Variants in PAFAH2 observed in about 807,000 individuals in gnomAD.
The protein encoded by PAFAH2 is platelet activating factor acetylhydrolase 2, also known as platelet-activating factor acetylhydrolase 2, cytoplasmic.
In PAFAH2, 42 loss-of-function variants were observed where a neutral mutation model predicts 49.0. The observed-to-expected ratio is 0.86, with a 90% CI of 0.67 to 1.11. The LOEUF is 1.11. Ranked by LOEUF, PAFAH2 falls within the 50% of genes least tolerant of loss-of-function variation. PAFAH2 has a pLI of 0.00. For synonymous variants in PAFAH2, 184 were observed against 181.3 expected (o/e 1.01, Z -0.12); for missense variants, 503 against 501.8 (o/e 1.00, Z -0.02).
At position 25,960,563 on chromosome 1, in the gene PAFAH2, A is replaced by G. The variant is rs1445608173; in HGVS notation, c.*1426T>C. The stretch of plus-strand genomic sequence containing the variant: ...AACAGAAAATTCCAACATAACATTA[A>G]GCAAACAAGAGTATTAATATCATTC... On this transcript the variant is annotated 3_prime_UTR_variant, in exon 11 of 11. Coordinates refer to ENST00000374282, the MANE Select transcript of PAFAH2 (RefSeq NM_000437.4). 1.3e-5 allele frequency: 2 copies of G among 152,654 alleles called. No individual in the cohort carries two copies. Among genetic ancestry groups the G allele is most frequent in the African/African-American group, 4.8e-5 (2 of 41,448 alleles). 9.5% of individuals were successfully genotyped at this position (152,654 alleles called of 1,614,324 possible).
intron 6 of PAFAH2, among the ~76,000 whole-genome samples, chr1:25,982,861 C>G (rs1013437726): frequency 7.9e-5 from 12 of 152,178 alleles, no homozygotes; most frequent in African/African-American, 9.7e-5. Context: ...GCACTTACCC[C>G]CTTTCCTTCT....
chr1:25,968,032 G>C (rs2049452753), intron 10 of PAFAH2, among the ~76,000 whole-genome samples: 2 of 152,110 alleles, frequency 1.3e-5, no homozygotes, highest in African/African-American at 4.8e-5. Flanking sequence ...TGGGCATGGT[G>C]GTGGGTGCCT....
chr1:25,984,427 C>T (rs750284820), intron 5 of PAFAH2, 33 bp downstream of exon 5: 4 of 1,558,842 alleles, frequency 2.6e-6, no homozygotes, highest in African/African-American at 2.7e-5. Flanking sequence ...TAGCTCACTG[C>T]AGGCACCCAA....
chr1:25,962,127 G>A, intron 10 of PAFAH2, 44 bp from the exon 11 acceptor site: 1 of 1,522,064 alleles, frequency 6.6e-7, no homozygotes. Context: ...TCATTGTGAG[G>A]TTTGGTCAAA....
chr1:25,972,757 C>A, intron 9 of PAFAH2, 45 bp from the exon 10 acceptor site: 1 of 1,608,832 alleles, frequency 6.2e-7, no homozygotes, highest in Non-Finnish European at 8.5e-7. Context: ...GCGGCTAGGG[C>A]ATACAGATGT....
chr1:25,988,310 CA>C lies in PAFAH2; in HGVS notation c.261del (p.Val88LeufsTer16). On this transcript the variant is annotated frameshift_variant, in exon 4 of 11. Transcript: ENST00000374282. LOFTEE classifies it high-confidence loss of function. ...FNLAVGSCRL[P>X]VSWNGPFKTK... is the part of the protein sequence containing the mutation. ...GTCTTAAAGGGGCCATTCCAGCTAA[CA>C]GGCAGGCGACAAGATCCTAGCAGAG... 1 of 1,611,214 alleles carries C rather than the reference CA, an allele frequency of 6.2e-7. No individual in the cohort carries two copies. Among genetic ancestry groups the C allele is most frequent in the East Asian group, 2.2e-5 (1 of 44,618 alleles).
intron 6 of PAFAH2, among the ~76,000 whole-genome samples, 181 bp downstream of exon 6, chr1:25,983,765 G>A (rs1439048322): frequency 2.0e-5 from 3 of 152,078 alleles, no homozygotes; most frequent in Admixed American, 6.6e-5. Context: ...CCTAAGTTGG[G>A]GTTCTGTCAC....
At chr1:25,980,916 C>T (rs759853205) in intron 7 of PAFAH2, among the ~76,000 whole-genome samples, 40 of 151,804 alleles carry the variant, frequency 2.6e-4, no homozygotes, top group Non-Finnish European at 3.4e-4. Flanking sequence ...ACTTGGGAGG[C>T]TGAGGTAGCT....
intron 9 of PAFAH2, 31 bp downstream of exon 9, chr1:25,974,449 C>T (rs769133808): frequency 1.3e-6 from 2 of 1,541,968 alleles, no homozygotes; most frequent in South Asian, 2.5e-5. Flanking sequence ...ATGGAGAGGG[C>T]CCTGGGATCA....
intron 2 of PAFAH2, among the ~76,000 whole-genome samples, chr1:25,990,014 C>T (rs1352632085): frequency 1.3e-5 from 2 of 152,056 alleles, no homozygotes; most frequent in Non-Finnish European, 2.9e-5. Context: ...TGGGAAGCAA[C>T]AGCACACTCA....
intron 4 of PAFAH2, among the ~76,000 whole-genome samples, chr1:25,986,964 A>C (rs990096507): frequency 1.3e-5 from 2 of 151,884 alleles, no homozygotes; most frequent in Admixed American, 6.6e-5. Context: ...GATCTCCCTG[A>C]CAGGCGCGGT....
Position 25,961,844 on chromosome 1 carries a change from G to A in PAFAH2, c.*145C>T, listed in dbSNP as rs139778582. The A allele has an allele frequency of 1.3e-4, 77 of 586,926 alleles. No individual in the cohort carries two copies. Among genetic ancestry groups the A allele is most frequent in the East Asian group, 1.0e-3 (37 of 35,820 alleles). The allele number at this position is 586,926 out of a possible 1,614,324, so 36.4% of individuals were successfully genotyped here. ...ATCAAATCTAAGATCAAAGTACCCAGTTATCCAAGCAGCAGTGTGATTACA... is the reference window on the plus strand; with the variant it reads ...ATCAAATCTAAGATCAAAGTACCCAATTATCCAAGCAGCAGTGTGATTACA... On this transcript the variant is annotated 3_prime_UTR_variant, in exon 11 of 11. Coordinates refer to ENST00000374282, the MANE Select transcript of PAFAH2 (RefSeq NM_000437.4).
intron 5 of PAFAH2, 153 bp from the exon 6 acceptor site, chr1:25,984,240 A>G (rs1366541268): frequency 3.2e-6 from 3 of 929,242 alleles, no homozygotes; most frequent in African/African-American, 1.7e-5. Context: ...AGTGGAAAAA[A>G]TACAGATTTT....
intron 4 of PAFAH2, among the ~76,000 whole-genome samples, chr1:25,985,104 A>G (rs1018530560): frequency 6.6e-6 from 1 of 151,674 alleles, no homozygotes; most frequent in Non-Finnish European, 1.5e-5. Flanking sequence ...TGATCCGCCC[A>G]CCTCGGCCTC....
In PAFAH2 at chr1:25,961,401, T is replaced by TTGTGA. The variant is rs899314699; in HGVS notation, c.*587_*588insTCACA. 1 of 152,180 alleles carries TTGTGA rather than the reference T, an allele frequency of 6.6e-6. No homozygotes were observed. The highest frequency in any genetic ancestry group is 2.4e-5 in the African/African-American group (1 of 41,442). The allele number at this position is 152,180 out of a possible 1,614,324, so 9.4% of individuals were successfully genotyped here. A position where few individuals can be genotyped will look rare whatever the true frequency, so the allele number is the denominator to read the frequency against. ...TGGGCTCACAAGTATAACTTACTAC[T>TTGTGA]GTAAGTATAAGTAGTACTATGTTCC... On this transcript the variant is annotated 3_prime_UTR_variant, in exon 11 of 11. Coordinates refer to ENST00000374282, the MANE Select transcript of PAFAH2 (RefSeq NM_000437.4).
chr1:25,991,402 C>A (rs2049873399), intron 1 of PAFAH2, among the ~76,000 whole-genome samples: 2 of 152,022 alleles, frequency 1.3e-5, no homozygotes, highest in Non-Finnish European at 2.9e-5. Flanking sequence ...GCCTCAGCCT[C>A]CTGAGTAGCT....
intron 1 of PAFAH2, among the ~76,000 whole-genome samples, chr1:25,992,601 C>T (rs534685322): frequency 3.9e-5 from 6 of 152,254 alleles, no homozygotes; most frequent in South Asian, 4.1e-4. Context: ...CTCTGAGATA[C>T]GTATTATTAT....
intron 10 of PAFAH2, chr1:25,964,416 G>C (rs188189060): frequency 6.6e-6 from 1 of 152,262 alleles, no homozygotes; most frequent in East Asian, 1.9e-4. Context: ...AATCAGTGGT[G>C]GTGATTTTTC....
chr1:25,978,761 T>C (rs2049635204), intron 7 of PAFAH2, among the ~76,000 whole-genome samples: 1 of 152,252 alleles, frequency 6.6e-6, no homozygotes, highest in Admixed American at 6.5e-5. Flanking sequence ...CAGGGATCCC[T>C]GAGTTGCCTC....
Sources: gnomAD v4.1 joint callset for allele counts (sites outside exome capture counted in the v4.1 genomes callset) on GRCh38, gnomAD v4.1.1 for gene constraint, MANE v1.5 for transcripts, NCBI Gene and HGNC (gene_info 2026-07-23, HGNC 2026-07-21) for gene names.